Variants in NRG1 observed in about 807,000 individuals in gnomAD.
The protein encoded by NRG1 is pro-neuregulin-1, membrane-bound isoform.
A neutral mutation model predicts 63.8 loss-of-function variants in NRG1; 18 were observed. The observed-to-expected ratio is 0.28, with a 90% CI of 0.19 to 0.42. The LOEUF (loss-of-function observed/expected upper bound fraction) is 0.42. Among genes scored for constraint, NRG1 ranks in the 10% least tolerant of loss-of-function variants. The pLI, the probability that NRG1 is intolerant of heterozygous loss-of-function variation, is 1.00. For synonymous variants in NRG1, 302 were observed against 301.3 expected, an observed-to-expected ratio of 1.00 and a Z score of -0.02; for missense variants, 762 against 814.7, an observed-to-expected ratio of 0.94 and a Z score of 0.79.
At chr8:32,622,120 G>A (rs1848441494) in intron 5 of NRG1, among the ~76,000 whole-genome samples, 2 of 152,124 alleles carry the variant, frequency 1.3e-5, no homozygotes, top group Non-Finnish European at 1.5e-5. Flanking sequence ...TACTAATGCT[G>A]AGGACAATCG....
chr8:31,783,611 A>AAC (rs1554530642), intron 1 of NRG1, among the ~76,000 whole-genome samples: 5 of 151,798 alleles, frequency 3.3e-5, no homozygotes, highest in Admixed American at 1.3e-4. Flanking sequence ...GGCAAAAAAA[A>AAC]AAAAAAACAA....
At chr8:31,898,339 A>G (rs968902078) in intron 1 of NRG1, among the ~76,000 whole-genome samples, 1 of 152,212 alleles carries the variant, frequency 6.6e-6, no homozygotes, top group African/African-American at 2.4e-5. Flanking sequence ...TGTGCCAGGA[A>G]CTGTGCTTCA....
rs142226345 is a variant in NRG1, at chr8:31,735,424, G to T, written c.37+95993G>T. ...CACTGTCTTCCCTTGATGTTAAATT[G>T]TAGGAATTTAAAGTAATTTAAATTT... On this transcript the variant is annotated intron_variant, in intron 1 of 10. Coordinates refer to the NRG1 transcript ENST00000519301. 2.0e-4 allele frequency among the ~76,000 whole-genome samples: 31 copies of T among 152,130 alleles called. No individual in the cohort carries two copies. In the East Asian group the frequency reaches 6.0e-3, roughly 29 times the overall value.
chr8:32,572,406 T>C (rs1838777088), intron 1 of NRG1, among the ~76,000 whole-genome samples: 1 of 152,164 alleles, frequency 6.6e-6, no homozygotes, highest in South Asian at 2.1e-4. Flanking sequence ...TCATTTAAAA[T>C]TTCTTCTATT....
chr8:31,813,516 C>CTTTTCTTTTCTTTTCTTTTTTT, intron 1 of NRG1, among the ~76,000 whole-genome samples: 23 of 101,210 alleles, frequency 2.3e-4, no homozygotes, highest in East Asian at 3.6e-4. Context: ...CTTTTCTTTT[C>CTTTTCTTTTCTTTTCTTTTTTT]TTTTTTTTTT....
intron 1 of NRG1, among the ~76,000 whole-genome samples, chr8:32,014,475 TA>T (rs1815201583): frequency 6.6e-6 from 1 of 152,052 alleles, no homozygotes. Context: ...TTCATCCTGC[TA>T]AAAATGCTTG....
At position 31,640,742 on chromosome 8, in the gene NRG1, C is replaced by T. The variant is rs1318260908; in HGVS notation, c.37+1311C>T. On this transcript the variant is annotated intron_variant, in intron 1 of 10. Transcript: ENST00000519301. This position sits in a 1 kb window ranked among gnomAD's most constrained non-coding sequence, Gnocchi z 6.3. ...TGCAAGCGGTGCGGTAAGTTCCTCG[C>T]CCTTGGGGGCGCGAACCCGCGGCGA... 5.9e-6 allele frequency: 9 copies of T among 1,517,902 alleles called. No individual in the cohort carries two copies. The Admixed American group carries it at 6.2e-5, about 10-fold the overall frequency. The allele number at this position is 1,517,902 out of a possible 1,614,324, so 94.0% of individuals were successfully genotyped here. A position where few individuals can be genotyped will look rare whatever the true frequency, so the allele number is the denominator to read the frequency against.
chr8:32,048,262 T>A (rs1226099129), intron 1 of NRG1, among the ~76,000 whole-genome samples: 1 of 150,044 alleles, frequency 6.7e-6, no homozygotes, highest in Non-Finnish European at 1.5e-5. Flanking sequence ...TTCATATATA[T>A]GTATGTATAT....
At chr8:32,087,467 G>T (rs1828394264) in intron 1 of NRG1, among the ~76,000 whole-genome samples, 2 of 101,754 alleles carry the variant, frequency 2.0e-5, no homozygotes, top group South Asian at 3.8e-4. Flanking sequence ...CCAGCCTCAG[G>T]TATTTCTTTT....
upstream of NRG1, among the ~76,000 whole-genome samples, chr8:32,543,269 A>T (rs1274108093): frequency 6.6e-6 from 1 of 152,204 alleles, no homozygotes; most frequent in Non-Finnish European, 1.5e-5. Flanking sequence ...ACACACAAAT[A>T]AACAGATGTA....
intron 5 of NRG1, among the ~76,000 whole-genome samples, chr8:32,665,666 G>C (rs148821805): frequency 6.6e-6 from 1 of 152,182 alleles, no homozygotes; most frequent in Admixed American, 6.5e-5. Context: ...TAAATGAAAG[G>C]GTGCAATTTC....
chr8:31,987,809 A>T (rs1810357018), intron 1 of NRG1, among the ~76,000 whole-genome samples: 1 of 152,128 alleles, frequency 6.6e-6, no homozygotes, highest in Admixed American at 6.6e-5. Context: ...AATAACCTCT[A>T]TGACTTTCTT....
At chr8:32,188,934 T>C (rs1047646340) in intron 1 of NRG1, among the ~76,000 whole-genome samples, 1 of 151,868 alleles carries the variant, frequency 6.6e-6, no homozygotes, top group Non-Finnish European at 1.5e-5. Flanking sequence ...ACATTGTGCA[T>C]ATATACCCTA....
intron 1 of NRG1, among the ~76,000 whole-genome samples, chr8:32,246,260 A>G (rs1848584869): frequency 6.6e-6 from 1 of 152,164 alleles, no homozygotes; most frequent in Non-Finnish European, 1.5e-5. Context: ...GAAGTTTCCT[A>G]TGTCCAAAAA....
chr8:32,171,032 A>G (rs1412461343), intron 1 of NRG1, among the ~76,000 whole-genome samples: 3 of 152,042 alleles, frequency 2.0e-5, no homozygotes, highest in Non-Finnish European at 2.9e-5. Flanking sequence ...ACTCTTGTCC[A>G]TTAGCGGATT....
At chr8:32,484,090 A>C (rs1365523847) in intron 1 of NRG1, among the ~76,000 whole-genome samples, 3 of 141,428 alleles carry the variant, frequency 2.1e-5, no homozygotes, top group East Asian at 4.4e-4. Flanking sequence ...GCGACAGAGC[A>C]AGACTCCGTA....
chr8:31,737,195 C>T (rs1814765774), intron 1 of NRG1, among the ~76,000 whole-genome samples: 1 of 152,020 alleles, frequency 6.6e-6, no homozygotes, highest in African/African-American at 2.4e-5. Context: ...TTTGATACAC[C>T]TTCTCCAGTC....
At chr8:32,357,524 C>T (rs1289019419) in intron 1 of NRG1, among the ~76,000 whole-genome samples, 2 of 152,106 alleles carry the variant, frequency 1.3e-5, no homozygotes, top group Non-Finnish European at 2.9e-5. Flanking sequence ...TGAGCTCACC[C>T]AACAAAAGTT....
At chr8:32,011,897 C>T (rs904489843) in intron 1 of NRG1, among the ~76,000 whole-genome samples, 25 of 152,066 alleles carry the variant, frequency 1.6e-4, no homozygotes, top group Admixed American at 1.2e-3. Context: ...TGGAATTAAA[C>T]CCTGACAGTC....
Sources: allele counts gnomAD v4.1 joint callset (sites outside exome capture counted in the v4.1 genomes callset), GRCh38; gene constraint gnomAD v4.1.1; non-coding constraint Gnocchi (gnomAD v3.1); transcripts MANE v1.5; gene names NCBI Gene and HGNC (gene_info 2026-07-23, HGNC 2026-07-21).